Variants in KIDINS220 observed in about 807,000 individuals in gnomAD.
KIDINS220 encodes kinase D-interacting substrate of 220 kDa.
Under a neutral mutation model 157.6 loss-of-function variants are expected in KIDINS220, and 63 were observed. The ratio of observed to expected loss-of-function variants is 0.40; its 90% CI spans 0.33 to 0.49. The LOEUF (loss-of-function observed/expected upper bound fraction) is 0.49. Ranked by LOEUF, KIDINS220 falls within the 20% of genes least tolerant of loss-of-function variation. The probability of loss-of-function intolerance (pLI) is 0.66; values close to 1 mark genes in which losing one functional copy is unlikely to be tolerated. For missense variants in KIDINS220, 1,772 were observed against 2,171.2 expected, an observed-to-expected ratio of 0.82 and a Z score of 3.65; for synonymous variants, 732 against 783.6, an observed-to-expected ratio of 0.93 and a Z score of 1.10.
Position 8,729,387 on chromosome 2 carries a change from T to C in KIDINS220, c.*1333A>G, listed in dbSNP as rs1663722806. 1.0e-6 allele frequency: 1 copy of C among 985,470 alleles called. No homozygotes were observed. The highest frequency in any genetic ancestry group is 1.1e-4 in the East Asian group (1 of 8,824). 61.0% of individuals were successfully genotyped at this position (985,470 alleles called of 1,614,324 possible). ...TAATAGCGCATCTGCGATCTCACCA[T>C]CTACCGTCCTAACTGTGACTTGGGG... On this transcript the variant is annotated 3_prime_UTR_variant, in exon 30 of 30. Coordinates refer to ENST00000256707, the MANE Select transcript of KIDINS220 (RefSeq NM_020738.4).
intron 22 of KIDINS220, chr2:8,757,320 T>C (rs1319965178): frequency 8.7e-6 from 9 of 1,031,664 alleles, no homozygotes; most frequent in South Asian, 3.6e-5. Flanking sequence ...TAGAACACAA[T>C]TGGCTCAATC....
At chr2:8,741,047 C>A (rs905369206) in intron 26 of KIDINS220, among the ~76,000 whole-genome samples, 5 of 152,062 alleles carry the variant, frequency 3.3e-5, no homozygotes, top group African/African-American at 1.2e-4. Context: ...ACACTATCGA[C>A]CTTATTATAA....
chr2:8,796,847 T>C lies in KIDINS220; in HGVS notation c.1022A>G (p.Lys341Arg), dbSNP rs770697966. The change falls in exon 11 of 30, where the codon AAG becomes AGG. Residue 341 changes from lysine (K) to arginine (R), a missense_variant. This residue lies in a region of KIDINS220 where 725 missense variants were observed against 1,017.1 expected (regional missense o/e 0.71). Transcript: ENST00000256707. ...TTCAATGTTTCTCATCTTGGTAGCC[T>C]TTATAAGTGGCGTTTCACCATCCTG... The part of the protein sequence containing the change: ...CTKDGETPLI[K>R]ATKMRNIEVV... The C allele has an allele frequency of 1.4e-5, 22 of 1,614,008 alleles. No individual in the cohort carries two copies. Among genetic ancestry groups the C allele is most frequent in the Non-Finnish European group, 1.7e-5 (20 of 1,179,956 alleles).
intron 26 of KIDINS220, among the ~76,000 whole-genome samples, chr2:8,746,275 GTATTTTCTTTAGTAGA>G (rs1666553916): frequency 6.6e-6 from 1 of 151,274 alleles, no homozygotes; most frequent in Admixed American, 6.6e-5. Flanking sequence ...GCTAATTCTC[GTATTTTCTTTAGTAGA>G]GATAGGGTTT....
chr2:8,788,643 T>C lies in KIDINS220; in HGVS notation c.1787+4A>G. ...GATTTCTTCTGTCAAATGGTACAACTCACCTCACAGGTAAAGCTTTAGTAG... is the reference window on the plus strand; with the variant it reads ...GATTTCTTCTGTCAAATGGTACAACCCACCTCACAGGTAAAGCTTTAGTAG... On this transcript the variant is annotated splice_donor_region_variant and intron_variant, in intron 15 of 29. Coordinates refer to ENST00000256707, the MANE Select transcript of KIDINS220 (RefSeq NM_020738.4). 6.2e-7 allele frequency: 1 copy of C among 1,610,948 alleles called. No individual in the cohort carries two copies. Among genetic ancestry groups the C allele is most frequent in the South Asian group, 1.1e-5 (1 of 90,424 alleles).
chr2:8,784,525 C>A (rs1462073974), intron 17 of KIDINS220, among the ~76,000 whole-genome samples: 1 of 152,094 alleles, frequency 6.6e-6, no homozygotes, highest in Admixed American at 6.6e-5. Context: ...TGATAAAGGA[C>A]CATTAGCCAA....
intron 26 of KIDINS220, among the ~76,000 whole-genome samples, chr2:8,741,305 C>T (rs1053952624): frequency 6.6e-6 from 1 of 152,230 alleles, no homozygotes; most frequent in Non-Finnish European, 1.5e-5. Context: ...TGGTGGCTCA[C>T]ACCTGTAATC....
intron 26 of KIDINS220, among the ~76,000 whole-genome samples, chr2:8,737,690 A>C (rs1031334973): frequency 6.6e-6 from 1 of 152,242 alleles, no homozygotes. Context: ...TAGAAGAAAA[A>C]CATTTTCGGA....
At chr2:8,725,954 C>G (rs919885040), downstream of KIDINS220, among the ~76,000 whole-genome samples, 1 of 152,164 alleles carries the variant, frequency 6.6e-6, no homozygotes, top group Non-Finnish European at 1.5e-5. Flanking sequence ...AATGGACTTA[C>G]GTGCAATCTT....
At position 8,731,978 on chromosome 2, in the gene KIDINS220, T is replaced by G. The variant is rs777770498; in HGVS notation, c.4058A>C (p.Gln1353Pro). ...CGAAAGACTTGGGGTTCTGCGAGTT[T>G]GTGACTGTGAAGACAGAAAAAAAAT... ...PRHSNLSWQS[Q>P]TRRTPSLSSL... The change falls in exon 30 of 30, where the codon CAA (glutamine) becomes CCA (proline). Residue 1353 changes from glutamine to proline, a missense_variant. By Grantham distance (76) the Gln-to-Pro change is moderately conservative (BLOSUM62 -1). Coordinates refer to ENST00000256707, the MANE Select transcript of KIDINS220 (RefSeq NM_020738.4). This position sits in a 1 kb window ranked among gnomAD's most constrained non-coding sequence, Gnocchi z 5.2. 5.7e-6 allele frequency: 9 copies of G among 1,566,562 alleles called. No homozygotes were observed. The highest frequency in any genetic ancestry group is 6.9e-6 in the Non-Finnish European group (8 of 1,161,314).
chr2:8,779,411 G>C (rs1275617019), intron 18 of KIDINS220, among the ~76,000 whole-genome samples: 1 of 152,164 alleles, frequency 6.6e-6, no homozygotes, highest in African/African-American at 2.4e-5. Context: ...ATGCACATGA[G>C]AAACATTCAT....
At chr2:8,754,178 C>T (rs551938493) in intron 22 of KIDINS220, among the ~76,000 whole-genome samples, 2 of 152,268 alleles carry the variant, frequency 1.3e-5, no homozygotes, top group South Asian at 4.2e-4. Context: ...AAATTAACTG[C>T]ATTTTAATGC....
intron 24 of KIDINS220, among the ~76,000 whole-genome samples, chr2:8,749,017 C>T (rs1005891560): frequency 3.9e-5 from 6 of 152,100 alleles, no homozygotes; most frequent in African/African-American, 1.4e-4. Context: ...TAAATAAAAA[C>T]CTGCATTTCA....
intron 4 of KIDINS220, 48 bp downstream of exon 4, chr2:8,817,570 T>C (rs1172484158): frequency 9.5e-7 from 1 of 1,047,714 alleles, no homozygotes; most frequent in Admixed American, 2.2e-5. Flanking sequence ...ATATCTATGA[T>C]TATAAATAAG....
rs200371623 is a variant in KIDINS220, at chr2:8,730,831, C to T, written c.5205G>A (p.Lys1735=). ...TTGTGTAACTTGAACGTTGGCTTCG[C>T]TTATGTGTCATGCTTTTTAGATTCT... ...QNENLKSMTH[K]RSQRSSYTRL... The change falls in exon 30 of 30, where the codon AAG becomes AAA. Residue 1735 remains lysine, a synonymous_variant. Coordinates refer to ENST00000256707, the MANE Select transcript of KIDINS220 (RefSeq NM_020738.4). The T allele has an allele frequency of 9.3e-6, 15 of 1,614,220 alleles. No individual in the cohort carries two copies. Among genetic ancestry groups the T allele is most frequent in the Non-Finnish European group, 1.3e-5 (15 of 1,180,048 alleles).
rs1673442719 is a variant in KIDINS220 at position 8,793,254 on chromosome 2, T to A, written c.1276+556A>T. 2.0e-5 allele frequency among the ~76,000 whole-genome samples: 3 copies of A among 151,972 alleles called. No homozygotes were observed. In the South Asian group the frequency reaches 6.2e-4, roughly 32 times the overall value. On this transcript the variant is annotated intron_variant, in intron 12 of 29. Transcript: ENST00000256707. ...CAGGCACAGTGGCTCATGTCTGTAATCCCAGCACTTTGGGAGGCCAAGGTG... is the reference window on the plus strand; with the variant it reads ...CAGGCACAGTGGCTCATGTCTGTAAACCCAGCACTTTGGGAGGCCAAGGTG...
At chr2:8,834,441 T>C (rs2148465689) in intron 1 of KIDINS220, among the ~76,000 whole-genome samples, 1 of 151,826 alleles carries the variant, frequency 6.6e-6, no homozygotes, top group East Asian at 2.0e-4. Flanking sequence ...AAATGGTGTA[T>C]ACCATTTATA....
chr2:8,834,333 G>C (rs1344363398), intron 1 of KIDINS220, among the ~76,000 whole-genome samples: 2 of 151,668 alleles, frequency 1.3e-5, no homozygotes, highest in Non-Finnish European at 2.9e-5. Flanking sequence ...ACCTCCCTAA[G>C]CTCAACTCTT....
chr2:8,726,970 G>A (rs1266548402), downstream of KIDINS220: 3 of 1,257,756 alleles, frequency 2.4e-6, no homozygotes, highest in Admixed American at 4.6e-5. Flanking sequence ...TTAAAATTAT[G>A]TAAGATTGTA....
Sources: allele counts gnomAD v4.1 joint callset (sites outside exome capture counted in the v4.1 genomes callset), GRCh38; gene constraint gnomAD v4.1.1; regional missense constraint gnomAD v4.1.1; non-coding constraint Gnocchi (gnomAD v3.1); transcripts MANE v1.5; gene names NCBI Gene and HGNC (gene_info 2026-07-23, HGNC 2026-07-21).